GLTP: variants seen among roughly 807,000 people sequenced by gnomAD.
The protein encoded by GLTP is glycolipid transfer protein.
Under a neutral mutation model 24.0 loss-of-function variants are expected in GLTP, and 22 were observed. That is an observed-to-expected ratio of 0.92 (90% CI 0.65 to 1.31). GLTP has a LOEUF of 1.31. GLTP is among the 50% of genes most tolerant of loss of function. GLTP has a pLI of 0.00. For missense variants in GLTP, 224 were observed against 276.6 expected, an observed-to-expected ratio of 0.81 and a Z score of 1.35; for synonymous variants, 92 against 115.9, an observed-to-expected ratio of 0.79 and a Z score of 1.33.
chr12:109,868,391 G>C (rs892931052), intron 1 of GLTP, among the ~76,000 whole-genome samples: 4 of 152,150 alleles, frequency 2.6e-5, no homozygotes, highest in Non-Finnish European at 5.9e-5. Context: ...CATATACCTG[G>C]AAGTTGCCAT....
At chr12:109,864,186 G>A (rs1362435270) in intron 1 of GLTP, among the ~76,000 whole-genome samples, 1 of 152,130 alleles carries the variant, frequency 6.6e-6, no homozygotes, top group African/African-American at 2.4e-5. Context: ...GAAGAGAGGG[G>A]AGGCGAGGCA....
intron 1 of GLTP, among the ~76,000 whole-genome samples, chr12:109,860,658 G>C (rs967461863): frequency 1.3e-5 from 2 of 151,986 alleles, no homozygotes; most frequent in African/African-American, 4.8e-5. Flanking sequence ...TTCTTAAATG[G>C]AGGCGTTTTC....
chr12:109,853,004 C>T (rs1892747346), intron 4 of GLTP, among the ~76,000 whole-genome samples: 9 of 152,222 alleles, frequency 5.9e-5, no homozygotes, highest in Admixed American at 5.9e-4. Flanking sequence ...CAGTTAGCCT[C>T]TCTGAGCTTC....
At chr12:109,869,070 C>T (rs1868631597) in intron 1 of GLTP, among the ~76,000 whole-genome samples, 1 of 152,040 alleles carries the variant, frequency 6.6e-6, no homozygotes, top group Non-Finnish European at 1.5e-5. Flanking sequence ...GAGGCCAAGG[C>T]GGGTGGATCA....
chr12:109,852,588 G>T lies in GLTP; in HGVS notation c.597C>A (p.Thr199=). The change falls in exon 5 of 5, where the codon ACC becomes ACA. Residue 199 remains threonine, a synonymous_variant. Transcript: ENST00000318348. ...ATIDVIYEMY[T]QMNAELNYKV ...TGTAGTTAAGCTCAGCGTTCATCTG[G>T]GTGTACATCTCGTAGATGACATCGA... is the stretch of plus-strand genomic sequence containing the variant. The T allele has an allele frequency of 6.8e-6, 11 of 1,610,116 alleles. No homozygotes were observed. The highest frequency in any genetic ancestry group is 9.4e-6 in the Non-Finnish European group (11 of 1,176,412).
rs779811031 is a variant in GLTP at position 109,880,288 on chromosome 12, G to A, written c.87C>T (p.His29=). 6.2e-7 allele frequency: 1 copy of A among 1,601,790 alleles called. No homozygotes were observed. Among genetic ancestry groups the A allele is most frequent in the African/African-American group, 1.3e-5 (1 of 74,608 alleles). Reference sequence around the variant, plus strand: ...CCGGCTCACCGAAGAAGGGCGGCAGGTGGGACACCGCCTCGAGGAAGGGCC... The same window carrying A: ...CCGGCTCACCGAAGAAGGGCGGCAGATGGGACACCGCCTCGAGGAAGGGCC... ...ETGPFLEAVS[H]LPPFFDCLGS... Residue 29 remains histidine, a synonymous_variant, in exon 1 of 5, where the codon CAC becomes CAT. Transcript: ENST00000318348. The surrounding 1 kb of genome is among the most constrained non-coding windows in gnomAD (Gnocchi z 5.1).
chr12:109,851,328 G>C lies in GLTP; in HGVS notation c.*1227C>G, dbSNP rs1426653758. 6.6e-6 allele frequency: 1 copy of C among 152,154 alleles called. No individual in the cohort carries two copies. Among genetic ancestry groups the C allele is most frequent in the African/African-American group, 2.4e-5 (1 of 41,396 alleles). 9.4% of individuals were successfully genotyped at this position (152,154 alleles called of 1,614,324 possible). On this transcript the variant is annotated 3_prime_UTR_variant, in exon 5 of 5. Transcript: ENST00000318348. ...AAGAAACGCCTCTTGGTCATCAAGG[G>C]CTTGCTGGTTGGTTTCAGCTGTAAA...
intron 1 of GLTP, among the ~76,000 whole-genome samples, chr12:109,869,303 C>CAAAAAAAAAAAA (rs140914540): frequency 4.1e-5 from 2 of 49,032 alleles, no homozygotes; most frequent in Non-Finnish European, 3.5e-5. Context: ...GGCTCTACCT[C>CAAAAAAAAAAAA]AAAAAAAAAA....
chr12:109,878,285 G>C (rs1375815195), intron 1 of GLTP, among the ~76,000 whole-genome samples: 1 of 152,188 alleles, frequency 6.6e-6, no homozygotes, highest in African/African-American at 2.4e-5. Context: ...GAAAGAAAAA[G>C]CCACAGAGTT....
intron 1 of GLTP, among the ~76,000 whole-genome samples, chr12:109,877,362 CTCCA>C (rs1159030905): frequency 5.3e-5 from 8 of 152,132 alleles, no homozygotes; most frequent in Non-Finnish European, 2.9e-5. Flanking sequence ...CTCAGTTTTC[CTCCA>C]ATTGACAGAT....
At chr12:109,868,921 C>T (rs1868626274) in intron 1 of GLTP, among the ~76,000 whole-genome samples, 1 of 152,114 alleles carries the variant, frequency 6.6e-6, no homozygotes, top group African/African-American at 2.4e-5. Flanking sequence ...AGATTACCTA[C>T]ATTTCTAAAA....
intron 1 of GLTP, among the ~76,000 whole-genome samples, chr12:109,865,452 C>A (rs1868494426): frequency 6.6e-6 from 1 of 152,008 alleles, no homozygotes; most frequent in South Asian, 2.1e-4. Context: ...CATGGTGAAA[C>A]CCCCATCTGT....
chr12:109,858,075 A>G (rs1892822559), intron 2 of GLTP: 2 of 456,464 alleles, frequency 4.4e-6, no homozygotes, highest in Non-Finnish European at 8.8e-6. Context: ...CAAGAAGTCC[A>G]GGAACGAAGG....
At chr12:109,858,907 G>C (rs569846220) in intron 1 of GLTP, among the ~76,000 whole-genome samples, 166 bp from the exon 2 acceptor site, 10 of 152,334 alleles carry the variant, frequency 6.6e-5, no homozygotes, top group Non-Finnish European at 1.2e-4. Flanking sequence ...GCAGCCCCCA[G>C]CTCTGTTCTC....
In GLTP at chr12:109,858,683, C is replaced by A. The variant is rs755066428; in HGVS notation, c.162G>T (p.Thr54=). 6.2e-7 allele frequency: 1 copy of A among 1,611,574 alleles called. No individual in the cohort carries two copies. Among genetic ancestry groups the A allele is most frequent in the Non-Finnish European group, 8.5e-7 (1 of 1,177,732 alleles). ...PIKADISGNI[T]KIKAVYDTNP... is the part of the protein sequence containing the mutation. ...TGTGGCTGCCCGGCCAGGTACATAC[C>A]GTGATGTTGCCGCTTATGTCTGCCT... Residue 54 remains threonine (T), a splice_region_variant and synonymous_variant, in exon 2 of 5, where the codon ACG becomes ACT. Coordinates refer to ENST00000318348, the MANE Select transcript of GLTP (RefSeq NM_016433.4).
At chr12:109,862,984 A>T (rs550414413) in intron 1 of GLTP, among the ~76,000 whole-genome samples, 2 of 151,988 alleles carry the variant, frequency 1.3e-5, no homozygotes, top group African/African-American at 2.4e-5. Context: ...CCCAGGAGGC[A>T]GAGGTTGCAG....
Position 109,851,205 on chromosome 12 carries a change from T to G in GLTP, c.*1350A>C, listed in dbSNP as rs192690781. On this transcript the variant is annotated 3_prime_UTR_variant, in exon 5 of 5. Coordinates refer to ENST00000318348, the MANE Select transcript of GLTP (RefSeq NM_016433.4). ...TCAAGAGAATACACACGGTAGGTAG[T>G]TTCTTAGGTTGGAAAATCTGTCCCT... 1 of 152,674 alleles carries G rather than the reference T, an allele frequency of 6.5e-6. No individual in the cohort carries two copies. Among genetic ancestry groups the G allele is most frequent in the East Asian group, 1.9e-4 (1 of 5,180 alleles). The allele number at this position is 152,674 out of a possible 1,614,324, so 9.5% of individuals were successfully genotyped here. A position where few individuals can be genotyped will look rare whatever the true frequency, so the allele number is the denominator to read the frequency against.
intron 1 of GLTP, chr12:109,866,611 C>T (rs184379758): frequency 3.3e-5 from 5 of 152,254 alleles, no homozygotes; most frequent in Admixed American, 6.5e-5. Flanking sequence ...GGAAGCCATT[C>T]GTAGCTTTCT....
chr12:109,865,389 G>A (rs1188844429), intron 1 of GLTP, among the ~76,000 whole-genome samples: 1 of 152,076 alleles, frequency 6.6e-6, no homozygotes, highest in Non-Finnish European at 1.5e-5. Context: ...CACTTTGGGA[G>A]GCCGAGGCGG....
Sources: allele counts gnomAD v4.1 joint callset (sites outside exome capture counted in the v4.1 genomes callset), GRCh38; gene constraint gnomAD v4.1.1; non-coding constraint Gnocchi (gnomAD v3.1); transcripts MANE v1.5; gene names NCBI Gene and HGNC (gene_info 2026-07-23, HGNC 2026-07-21).